The following PSORS1C1 variants were observed in gnomAD, a reference collection of about 807,000 sequenced individuals.
PSORS1C1 encodes the protein psoriasis susceptibility 1 candidate gene 1 protein.
In PSORS1C1, 7 loss-of-function variants were observed where a neutral mutation model predicts 9.4. That is an observed-to-expected ratio of 0.75 (90% CI 0.42 to 1.40). The LOEUF (loss-of-function observed/expected upper bound fraction) is 1.40. PSORS1C1 is among the 40% of genes most tolerant of loss of function. The probability of loss-of-function intolerance (pLI) is 0.01; values close to 1 mark genes in which losing one functional copy is unlikely to be tolerated. For missense variants in PSORS1C1, 146 were observed against 178.1 expected (o/e 0.82, Z 1.02); for synonymous variants, 63 against 69.4 (o/e 0.91, Z 0.46).
intron 3 of PSORS1C1, among the ~76,000 whole-genome samples, chr6:31,130,097 A>C (rs1772839681): frequency 6.6e-6 from 1 of 151,762 alleles, no homozygotes; most frequent in Non-Finnish European, 1.5e-5. Context: ...GTCTCAAAAA[A>C]TAAAAAATTA....
chr6:31,130,125 T>C (rs1581857825), intron 3 of PSORS1C1, among the ~76,000 whole-genome samples: 1 of 149,774 alleles, frequency 6.7e-6, no homozygotes, highest in South Asian at 2.1e-4. Context: ...AATTAATTTT[T>C]TTTCCTCCTA....
chr6:31,129,672 C>T (rs749335915), intron 3 of PSORS1C1, 27 bp downstream of exon 3: 8 of 779,718 alleles, frequency 1.0e-5, no homozygotes, highest in South Asian at 6.7e-5. Context: ...AGTGTTGGTT[C>T]CTCTTCTGTG....
intron 1 of PSORS1C1, among the ~76,000 whole-genome samples, chr6:31,119,034 G>T (rs62400585): frequency 6.6e-6 from 1 of 151,726 alleles, no homozygotes; most frequent in Non-Finnish European, 1.5e-5. Flanking sequence ...AGTAGAGAGG[G>T]GGTTTCACCA....
intron 3 of PSORS1C1, chr6:31,138,064 G>T (rs1334341925): frequency 6.5e-7 from 1 of 1,544,482 alleles, no homozygotes; most frequent in African/African-American, 1.4e-5. Context: ...GCCGGCCAAG[G>T]GTCGTCAGGC....
intron 1 of PSORS1C1, chr6:31,116,452 T>C (rs779387395): frequency 6.3e-7 from 1 of 1,592,166 alleles, no homozygotes. Flanking sequence ...GCAGGGTCCC[T>C]TGGAGCCCGT....
intron 2 of PSORS1C1, among the ~76,000 whole-genome samples, chr6:31,127,693 A>G (rs1772741950): frequency 6.6e-6 from 1 of 151,860 alleles, no homozygotes; most frequent in African/African-American, 2.4e-5. Context: ...GAACACTTGT[A>G]ATCCCAGCTA....
In PSORS1C1 at chr6:31,117,178, G is replaced by C; in HGVS notation, c.-229+2287G>C. The C allele has an allele frequency of 2.5e-6, 4 of 1,612,032 alleles. No homozygotes were observed. In the South Asian group the frequency reaches 3.3e-5, roughly 13 times the overall value. On this transcript the variant is annotated intron_variant, in intron 1 of 5. Transcript: ENST00000259881. ...ATGAGAGCTGCTGCTTCCCGAGTGA[G>C]AGCCGCTGTTTCCCGAGTGAGAGCT...
intron 1 of PSORS1C1, chr6:31,117,323 C>T: frequency 6.3e-7 from 1 of 1,582,672 alleles, no homozygotes; most frequent in East Asian, 2.3e-5. Flanking sequence ...CCACCCTGGG[C>T]AATGCTGGAT....
At chr6:31,130,560 C>T (rs1159478861) in intron 3 of PSORS1C1, among the ~76,000 whole-genome samples, 4 of 151,770 alleles carry the variant, frequency 2.6e-5, no homozygotes, top group Admixed American at 6.6e-5. Flanking sequence ...TACAGGCGCC[C>T]GCCACCACTC....
At position 31,114,808 on chromosome 6, in the gene PSORS1C1, G is replaced by A; in HGVS notation, c.-312G>A. 2.2e-6 allele frequency: 1 copy of A among 454,462 alleles called. No individual in the cohort carries two copies. The highest frequency in any genetic ancestry group is 4.4e-6 in the Non-Finnish European group (1 of 225,920). The allele number at this position is 454,462 out of a possible 1,614,324, so 28.2% of individuals were successfully genotyped here. ...ACAGGAATCTGGTTGGAGTTGTTGT[G>A]TCCCAGCCTTCCCAAGCTTCCAGGT... On this transcript the variant is annotated 5_prime_UTR_variant, in exon 1 of 6. Coordinates refer to ENST00000259881, the MANE Select transcript of PSORS1C1 (RefSeq NM_014068.3).
rs1408395487 is a variant in PSORS1C1 at position 31,115,079 on chromosome 6, G to C, written c.-229+188G>C. ...ATGGCGGAAGGATCTGGGAGGCCAG[G>C]CAATCTCTGCTTTCAGTTCAACAAA... On this transcript the variant is annotated intron_variant, in intron 1 of 5. Transcript: ENST00000259881. The surrounding 1 kb of genome is among the most constrained non-coding windows in gnomAD (Gnocchi z 4.2). The C allele has an allele frequency of 2.8e-6, 1 of 356,752 alleles. No individual in the cohort carries two copies. Among genetic ancestry groups the C allele is most frequent in the African/African-American group, 2.1e-5 (1 of 46,690 alleles). 22.1% of individuals were successfully genotyped at this position (356,752 alleles called of 1,614,324 possible). A position where few individuals can be genotyped will look rare whatever the true frequency, so the allele number is the denominator to read the frequency against.
intron 1 of PSORS1C1, 63 bp downstream of exon 1, chr6:31,114,954 G>C (rs1772026079): frequency 2.2e-6 from 1 of 445,964 alleles, no homozygotes; most frequent in South Asian, 1.6e-5. Context: ...AGGGGAGGGA[G>C]AGGAAACACT....
chr6:31,134,532 C>T (rs1773064873), intron 3 of PSORS1C1, among the ~76,000 whole-genome samples: 1 of 152,014 alleles, frequency 6.6e-6, no homozygotes, highest in South Asian at 2.1e-4. Context: ...GTCTCGATCT[C>T]CTGACCTCGT....
At chr6:31,129,448 C>T (rs546389082) in intron 2 of PSORS1C1, 121 bp from the exon 3 acceptor site, 3 of 627,342 alleles carry the variant, frequency 4.8e-6, no homozygotes, top group Non-Finnish European at 8.6e-6. Context: ...CAGTCTCCTC[C>T]CCAGCTAATG....
rs1454932310 is a variant in PSORS1C1, at chr6:31,128,883, A to G, written c.-64-686A>G. On this transcript the variant is annotated intron_variant, in intron 2 of 5. Transcript: ENST00000259881. This position sits in a 1 kb window ranked among gnomAD's most constrained non-coding sequence, Gnocchi z 4.3. ...GTATATGTTTGTCCTCCCTAAACAC[A>G]GAGCCCCTTGAGGGCAGGGAGGACT... 6.6e-6 allele frequency among the ~76,000 whole-genome samples: 1 copy of G among 152,232 alleles called. No homozygotes were observed. The highest frequency in any genetic ancestry group is 1.5e-5 in the Non-Finnish European group (1 of 68,040).
Position 31,139,979 on chromosome 6 carries a change from C to A in PSORS1C1, c.*47C>A. ...AACGTTTCCCTCAAGGACCTTTCTG[C>A]CTGGAAGTCTGTTAGCCTTTCAGAA... On this transcript the variant is annotated 3_prime_UTR_variant, in exon 6 of 6. Coordinates refer to ENST00000259881, the MANE Select transcript of PSORS1C1 (RefSeq NM_014068.3). This position sits in a 1 kb window ranked among gnomAD's most constrained non-coding sequence, Gnocchi z 5.2. 1 of 1,539,170 alleles carries A rather than the reference C, an allele frequency of 6.5e-7. No individual in the cohort carries two copies. The highest frequency in any genetic ancestry group is 8.9e-7 in the Non-Finnish European group (1 of 1,121,312).
At chr6:31,138,857 A>G in intron 5 of PSORS1C1, 78 bp downstream of exon 5, 1 of 1,604,288 alleles carries the variant, frequency 6.2e-7, no homozygotes, top group Non-Finnish European at 8.5e-7. Context: ...AGCCAGATGC[A>G]CCTTCTGCGT....
intron 1 of PSORS1C1, among the ~76,000 whole-genome samples, chr6:31,121,357 CT>C (rs1291903605): frequency 2.0e-5 from 3 of 152,190 alleles, no homozygotes; most frequent in Non-Finnish European, 4.4e-5. Flanking sequence ...CATAGCCCAT[CT>C]GCTGGCCCTG....
Position 31,138,464 on chromosome 6 carries a change from G to A in PSORS1C1, c.43+5G>A. 2 of 1,612,850 alleles carry A rather than the reference G, an allele frequency of 1.2e-6. No homozygotes were observed. Among genetic ancestry groups the A allele is most frequent in the Non-Finnish European group, 1.7e-6 (2 of 1,179,928 alleles). On this transcript the variant is annotated splice_donor_5th_base_variant and intron_variant, in intron 4 of 5. Coordinates refer to ENST00000259881, the MANE Select transcript of PSORS1C1 (RefSeq NM_014068.3). ...GTCACTCTCAAAGAGCTCTCGGTAG[G>A]TTTGTAAATACTTAACTGATGGTAA...
Sources: allele counts gnomAD v4.1 joint callset (sites outside exome capture counted in the v4.1 genomes callset), GRCh38; gene constraint gnomAD v4.1.1; non-coding constraint Gnocchi (gnomAD v3.1); transcripts MANE v1.5; gene names NCBI Gene and HGNC (gene_info 2026-07-23, HGNC 2026-07-21).